PCDHA7: variants seen among roughly 807,000 people sequenced by gnomAD.
PCDHA7 encodes the protein protocadherin alpha-7.
PCDHA7 carries 37 observed loss-of-function variants against 57.2 expected under a neutral mutation model. That is an observed-to-expected ratio of 0.65 (90% CI 0.50 to 0.85). PCDHA7 has a LOEUF of 0.85. Among genes scored for constraint, PCDHA7 ranks in the 40% least tolerant of loss-of-function variants. PCDHA7 has a pLI of 0.00. For missense variants in PCDHA7, 1,188 were observed against 1,241.8 expected (o/e 0.96, Z 0.65); for synonymous variants, 553 against 558.8 (o/e 0.99, Z 0.15).
At chr5:140,999,004 A>T (rs2097842745) in intron 3 of PCDHA7, among the ~76,000 whole-genome samples, 1 of 152,258 alleles carries the variant, frequency 6.6e-6, no homozygotes, top group South Asian at 2.1e-4. Flanking sequence ...GCTGGAGCTG[A>T]GATTTGAACC....
At chr5:140,916,363 T>C (rs2077541371) in intron 1 of PCDHA7, among the ~76,000 whole-genome samples, 2 of 152,124 alleles carry the variant, frequency 1.3e-5, no homozygotes, top group African/African-American at 4.8e-5. Context: ...GAAGGAGTCT[T>C]TCACTGTAGC....
rs1581309045 is a variant in PCDHA7, at chr5:140,853,255, T to G, written c.2355+16517T>G. On this transcript the variant is annotated intron_variant, in intron 1 of 3. Transcript: ENST00000525929. Reference sequence around the variant, plus strand: ...GTCCTTCATATTAATCTCTATTCTCTCTCAGAGTACAAGCTCTCATCATAT... The same window carrying G: ...GTCCTTCATATTAATCTCTATTCTCGCTCAGAGTACAAGCTCTCATCATAT... 7 of 974,424 alleles carry G rather than the reference T, an allele frequency of 7.2e-6. 1 individual carries two copies. Among genetic ancestry groups the G allele is most frequent in the Non-Finnish European group, 8.7e-6 (7 of 807,532 alleles). The allele number at this position is 974,424 out of a possible 1,614,324, so 60.4% of individuals were successfully genotyped here. A position where few individuals can be genotyped will look rare whatever the true frequency, so the allele number is the denominator to read the frequency against.
intron 1 of PCDHA7, chr5:140,875,922 T>C: frequency 6.2e-7 from 1 of 1,614,200 alleles, no homozygotes; most frequent in South Asian, 1.1e-5. Context: ...CTCTGGACTC[T>C]CATTTTCCTC....
intron 2 of PCDHA7, among the ~76,000 whole-genome samples, chr5:140,981,152 C>T (rs1340087244): frequency 6.6e-6 from 1 of 152,210 alleles, no homozygotes; most frequent in African/African-American, 2.4e-5. Flanking sequence ...AAACATTGAA[C>T]TTATATGTTG....
At chr5:141,003,536 C>T (rs1409675219) in intron 3 of PCDHA7, among the ~76,000 whole-genome samples, 1 of 152,152 alleles carries the variant, frequency 6.6e-6, no homozygotes, top group Non-Finnish European at 1.5e-5. Context: ...TGGTCTTGAA[C>T]TCCTGGCTTC....
chr5:140,906,243 A>T (rs2072484346), intron 1 of PCDHA7, among the ~76,000 whole-genome samples: 1 of 152,190 alleles, frequency 6.6e-6, no homozygotes, highest in South Asian at 2.1e-4. Flanking sequence ...GTCAACTTGA[A>T]CCCATACACA....
intron 1 of PCDHA7, among the ~76,000 whole-genome samples, chr5:140,921,440 G>A (rs1026829665): frequency 6.6e-6 from 1 of 152,056 alleles, no homozygotes; most frequent in Non-Finnish European, 1.5e-5. Flanking sequence ...CTTCAATGGT[G>A]TCTGAAAAGG....
chr5:140,887,251 C>G (rs2153419046), intron 1 of PCDHA7, among the ~76,000 whole-genome samples: 1 of 152,162 alleles, frequency 6.6e-6, no homozygotes. Context: ...CGCCCGCCAC[C>G]ACGCCCTGCT....
At chr5:140,931,935 G>A (rs1456832226) in intron 1 of PCDHA7, among the ~76,000 whole-genome samples, 2 of 151,826 alleles carry the variant, frequency 1.3e-5, no homozygotes, top group East Asian at 1.9e-4. Context: ...ATTATAATGT[G>A]TGTCTGAGTC....
At chr5:140,992,587 A>C (rs1393295001) in intron 3 of PCDHA7, among the ~76,000 whole-genome samples, 2 of 152,186 alleles carry the variant, frequency 1.3e-5, no homozygotes, top group African/African-American at 2.4e-5. Context: ...CCTTGTATGC[A>C]TCTAGCGTCT....
Position 140,835,730 on chromosome 5 carries a change from C to T in PCDHA7, c.1347C>T (p.Asn449=), listed in dbSNP as rs1773881312. 1.9e-5 allele frequency: 30 copies of T among 1,613,686 alleles called. No homozygotes were observed. Among genetic ancestry groups the T allele is most frequent in the Non-Finnish European group, 2.5e-5 (30 of 1,179,876 alleles). ...TGTCCGTGGAGGTGGCCGACGTGAA[C>T]GACAACGCCCCGGCGTTCGCGCAGC... ...ASVSVEVADV[N]DNAPAFAQPE... is the part of the protein sequence containing the mutation. Residue 449 remains asparagine, a synonymous_variant, in exon 1 of 4, where the codon AAC becomes AAT. Coordinates refer to ENST00000525929, the MANE Select transcript of PCDHA7 (RefSeq NM_018910.3).
Position 140,951,753 on chromosome 5 carries a change from C to T in PCDHA7, c.2356-27196C>T, listed in dbSNP as rs140119406. ...ATTCTGCCACTGCCCTCACCCTCCGCGAAATCTCATGACGTTCTTACATTG... is the reference window on the plus strand; with the variant it reads ...ATTCTGCCACTGCCCTCACCCTCCGTGAAATCTCATGACGTTCTTACATTG... On this transcript the variant is annotated intron_variant, in intron 1 of 3. Transcript: ENST00000525929. Among the ~76,000 whole-genome samples the T allele has an allele frequency of 7.0e-3, 1,059 of 152,208 alleles. 11 individuals are homozygous for T. The highest frequency in any genetic ancestry group is 0.014 in the Admixed American group (209 of 15,290).
chr5:140,927,814 G>GCATA (rs1554205103), intron 1 of PCDHA7: 1 of 1,614,172 alleles, frequency 6.2e-7, no homozygotes, highest in Non-Finnish European at 8.5e-7. Context: ...GCTCTTGGAG[G>GCATA]CATACATTGA....
intron 1 of PCDHA7, among the ~76,000 whole-genome samples, chr5:140,907,888 C>G (rs1441879791): frequency 6.6e-6 from 1 of 152,234 alleles, no homozygotes; most frequent in Non-Finnish European, 1.5e-5. Flanking sequence ...ACATGGGATA[C>G]AAATATCTTC....
At chr5:141,002,555 A>T (rs1349538713) in intron 3 of PCDHA7, among the ~76,000 whole-genome samples, 1 of 152,222 alleles carries the variant, frequency 6.6e-6, no homozygotes, top group African/African-American at 2.4e-5. Flanking sequence ...CCCAGGATCC[A>T]CCAGTTAGTG....
chr5:140,849,638 C>T (rs2041012069), intron 1 of PCDHA7: 1 of 1,598,650 alleles, frequency 6.3e-7, no homozygotes, highest in African/African-American at 1.3e-5. Flanking sequence ...ACGCAGATGC[C>T]AACGGGCAGG....
At chr5:140,927,668 A>T in intron 1 of PCDHA7, 1 of 1,614,208 alleles carries the variant, frequency 6.2e-7, no homozygotes, top group Non-Finnish European at 8.5e-7. Flanking sequence ...CAAGCCTTGG[A>T]TCCAGATGAA....
intron 1 of PCDHA7, chr5:140,883,245 G>A (rs267600403): frequency 6.2e-7 from 1 of 1,613,898 alleles, no homozygotes; most frequent in Non-Finnish European, 8.5e-7. Flanking sequence ...GTTGACAAAG[G>A]AAATATTCCA....
At chr5:140,969,293 C>A in intron 1 of PCDHA7, 1 of 1,614,186 alleles carries the variant, frequency 6.2e-7, no homozygotes, top group Non-Finnish European at 8.5e-7. Flanking sequence ...TGCTGGGAAC[C>A]TGATTATTCT....
Sources: allele counts gnomAD v4.1 joint callset (sites outside exome capture counted in the v4.1 genomes callset), GRCh38; gene constraint gnomAD v4.1.1; transcripts MANE v1.5; gene names NCBI Gene and HGNC (gene_info 2026-07-23, HGNC 2026-07-21).